FGD2: variants seen among roughly 807,000 people sequenced by gnomAD.
FGD2 encodes the protein FYVE, RhoGEF and PH domain-containing protein 2.
Under a neutral mutation model 75.9 loss-of-function variants are expected in FGD2, and 52 were observed. That is an observed-to-expected ratio of 0.69 (90% confidence interval 0.55 to 0.86). The LOEUF (loss-of-function observed/expected upper bound fraction) is 0.86. FGD2 is among the 40% of genes least tolerant of loss of function. FGD2 has a pLI of 0.00. For synonymous variants in FGD2, 347 were observed against 348.6 expected (o/e 1.00, Z 0.05); for missense variants, 790 against 872.0 (o/e 0.91, Z 1.18).
rs755071666 is a variant in FGD2, at chr6:37,011,872, C to A, written c.527+18C>A. The A allele has an allele frequency of 1.2e-6, 2 of 1,611,758 alleles. No individual in the cohort carries two copies. The highest frequency in any genetic ancestry group is 1.7e-6 in the Non-Finnish European group (2 of 1,179,014). On this transcript the variant is annotated intron_variant, in intron 4 of 15. Coordinates refer to ENST00000274963, the MANE Select transcript of FGD2 (RefSeq NM_173558.4). ...GACGACTGGTGAGGTCCACCAGGAGCCCCTGAGGCCTCAGACCACAGCCCT... is the reference window on the plus strand; with the variant it reads ...GACGACTGGTGAGGTCCACCAGGAGACCCTGAGGCCTCAGACCACAGCCCT...
intron 13 of FGD2, chr6:37,023,139 G>A (rs13217855): frequency 0.044 from 6,879 of 155,050 alleles, 201 homozygotes; most frequent in Non-Finnish European, 0.067. Flanking sequence ...CACCCACCCC[G>A]TCATCCTCTC....
Position 37,028,496 on chromosome 6 carries a change from C to A in FGD2, c.*333C>A. ...TTTTTCATTTGTATCTCCTGGGGAG[C>A]TTTTAAAGAGTACTGGTGAAAAACA... On this transcript the variant is annotated 3_prime_UTR_variant, in exon 16 of 16. Coordinates refer to ENST00000274963, the MANE Select transcript of FGD2 (RefSeq NM_173558.4). 1 of 304,200 alleles carries A rather than the reference C, an allele frequency of 3.3e-6. No homozygotes were observed. The highest frequency in any genetic ancestry group is 2.1e-5 in the African/African-American group (1 of 46,828). 18.8% of individuals were successfully genotyped at this position (304,200 alleles called of 1,614,324 possible). A position where few individuals can be genotyped will look rare whatever the true frequency, so the allele number is the denominator to read the frequency against.
chr6:37,013,534 C>T (rs1724598144), intron 4 of FGD2, 75 bp from the exon 5 acceptor site: 4 of 1,541,028 alleles, frequency 2.6e-6, no homozygotes, highest in Admixed American at 2.0e-5. Flanking sequence ...TTCAGGGAGC[C>T]TGGCCTCACC....
At chr6:37,026,104 C>T (rs931958736) in intron 14 of FGD2, 166 bp downstream of exon 14, 4 of 985,430 alleles carry the variant, frequency 4.1e-6, no homozygotes, top group Non-Finnish European at 3.6e-6. Flanking sequence ...CCAGGCCTCT[C>T]GCCACAGCCC....
At chr6:37,024,321 C>A (rs1662069992) in intron 13 of FGD2, 1 of 152,022 alleles carries the variant, frequency 6.6e-6, no homozygotes, top group Non-Finnish European at 1.5e-5. Flanking sequence ...GCCCAGGCAA[C>A]AAAAGCAAAA....
At chr6:37,011,470 T>C in intron 3 of FGD2, 1 of 592,358 alleles carries the variant, frequency 1.7e-6, no homozygotes, top group Non-Finnish European at 3.0e-6. Flanking sequence ...GTTTATGGCA[T>C]TCATCAGCTG....
At position 37,028,470 on chromosome 6, in the gene FGD2, G is replaced by A. The variant is rs182545919; in HGVS notation, c.*307G>A. On this transcript the variant is annotated 3_prime_UTR_variant, in exon 16 of 16. Transcript: ENST00000274963. Reference sequence around the variant, plus strand: ...CCGGACTGGTGGTCACCATAGTATGGTTTTTCATTTGTATCTCCTGGGGAG... The same window carrying A: ...CCGGACTGGTGGTCACCATAGTATGATTTTTCATTTGTATCTCCTGGGGAG... 2.3e-4 allele frequency: 84 copies of A among 360,582 alleles called. No individual in the cohort carries two copies. The highest frequency in any genetic ancestry group is 2.1e-3 in the Middle Eastern group (3 of 1,412). The allele number at this position is 360,582 out of a possible 1,614,324, so 22.3% of individuals were successfully genotyped here.
intron 4 of FGD2, chr6:37,013,368 A>C: frequency 8.6e-7 from 1 of 1,165,800 alleles, no homozygotes; most frequent in South Asian, 2.1e-5. Flanking sequence ...TGGGCCCAAC[A>C]CTGTGCCGGG....
In FGD2 at chr6:37,022,270, C is replaced by T. The variant is rs781775800; in HGVS notation, c.1358C>T (p.Pro453Leu). The T allele has an allele frequency of 7.5e-6, 12 of 1,592,232 alleles. No individual in the cohort carries two copies. The highest frequency in any genetic ancestry group is 5.5e-5 in the African/African-American group (4 of 73,268). The change falls in exon 13 of 16, where the codon CCG becomes CTG. Residue 453 changes from proline (P) to leucine (L), a missense_variant. Pro to Leu is a moderately conservative substitution (Grantham distance 98, BLOSUM62 -3). Transcript: ENST00000274963. ...LQSEELGLRAPQWVRDKMVTM... is the reference protein window; with the variant it reads ...LQSEELGLRALQWVRDKMVTM... The stretch of plus-strand genomic sequence containing the variant: ...TCTGAGGAGCTGGGCCTCCGGGCAC[C>T]GCAGTGGGTCCGGGACAAGATGGTG...
chr6:37,011,654 G>A (rs1351401283), intron 3 of FGD2, 52 bp from the exon 4 acceptor site: 17 of 1,611,564 alleles, frequency 1.1e-5, no homozygotes, highest in South Asian at 2.2e-5. Context: ...CCGGGCTGAT[G>A]TGTGGGTGGC....
Position 37,005,775 on chromosome 6 carries a change from T to A in FGD2, c.-43T>A. ...AGTGTGCTGGCTGGAGGCCTCTCTC[T>A]CTGCTTCGAGGGTAGCTGAGATCCA... On this transcript the variant is annotated 5_prime_UTR_variant, in exon 1 of 16. Coordinates refer to ENST00000274963, the MANE Select transcript of FGD2 (RefSeq NM_173558.4). The A allele has an allele frequency of 6.2e-7, 1 of 1,608,954 alleles. No homozygotes were observed. The highest frequency in any genetic ancestry group is 8.5e-7 in the Non-Finnish European group (1 of 1,177,450).
chr6:37,025,834 TACG>T lies in FGD2; in HGVS notation c.1507_1509del (p.Asp503del), dbSNP rs1413699802. On this transcript the variant is annotated inframe_deletion, in exon 14 of 16. Coordinates refer to ENST00000274963, the MANE Select transcript of FGD2 (RefSeq NM_173558.4). ...CTCCGACTACCGGGCCGAACTGAAATACGACGACAACAGGCCCAACCGAGTCTG... is the reference window on the plus strand; with the variant it reads ...CTCCGACTACCGGGCCGAACTGAAATACGACAACAGGCCCAACCGAGTCTG... 6.8e-6 allele frequency: 11 copies of T among 1,614,112 alleles called. No individual in the cohort carries two copies. The highest frequency in any genetic ancestry group is 9.3e-6 in the Non-Finnish European group (11 of 1,180,014).
chr6:37,022,223 T>C lies in FGD2; in HGVS notation c.1327-16T>C. ...CACCAAGGGCCCATTCCTGCCCAAC[T>C]CCCCTTAACCCACAGCTGCAGTCTG... On this transcript the variant is annotated splice_polypyrimidine_tract_variant and intron_variant, in intron 12 of 15. Transcript: ENST00000274963. 1.9e-6 allele frequency: 3 copies of C among 1,597,234 alleles called. No individual in the cohort carries two copies. Among genetic ancestry groups the C allele is most frequent in the Non-Finnish European group, 2.6e-6 (3 of 1,171,100 alleles).
chr6:37,023,113 A>T (rs1765671622), intron 13 of FGD2: 1 of 155,074 alleles, frequency 6.4e-6, no homozygotes, highest in South Asian at 2.0e-4. Flanking sequence ...CACCAGGCCC[A>T]TGCCCACTAT....
rs36118047 is a variant in FGD2 at position 37,022,337 on chromosome 6, G to A, written c.1425G>A (p.Thr475=). 568 of 1,589,558 alleles carry A rather than the reference G, an allele frequency of 3.6e-4. 3 individuals are homozygous for A. In the African/African-American group the frequency reaches 7.0e-3, roughly 19 times the overall value. Residue 475 remains threonine (T), a synonymous_variant, in exon 13 of 16, where the codon ACG becomes ACA. Coordinates refer to ENST00000274963, the MANE Select transcript of FGD2 (RefSeq NM_173558.4). ...MRCQEPFNAL[T]RRRHHCRACG... The stretch of plus-strand genomic sequence containing the variant: ...GCCAGGAGCCCTTCAACGCTCTGAC[G>A]CGCCGTCGCCACCACTGCCGGGCCT...
intron 11 of FGD2, among the ~76,000 whole-genome samples, chr6:37,021,152 G>A (rs761826653): frequency 3.7e-4 from 57 of 152,088 alleles, no homozygotes; most frequent in Non-Finnish European, 5.3e-4. Context: ...TTGTGTGTGC[G>A]TGCGTGTGTG....
rs951478484 is a variant in FGD2, at chr6:37,011,868, G to A, written c.527+14G>A. On this transcript the variant is annotated intron_variant, in intron 4 of 15. Transcript: ENST00000274963. ...CCTGGACGACTGGTGAGGTCCACCA[G>A]GAGCCCCTGAGGCCTCAGACCACAG... 8 of 1,612,548 alleles carry A rather than the reference G, an allele frequency of 5.0e-6. No individual in the cohort carries two copies. Among genetic ancestry groups the A allele is most frequent in the South Asian group, 3.3e-5 (3 of 90,942 alleles).
chr6:37,013,372 TGCCGG>T, intron 4 of FGD2: 1 of 1,202,542 alleles, frequency 8.3e-7, no homozygotes, highest in Non-Finnish European at 1.1e-6. Flanking sequence ...CCCAACACTG[TGCCGG>T]GCCTTGTGGA....
At chr6:37,020,791 T>G in intron 11 of FGD2, 52 bp downstream of exon 11, 2 of 1,548,744 alleles carry the variant, frequency 1.3e-6, no homozygotes, top group South Asian at 2.4e-5. Flanking sequence ...CTTTCTTTTT[T>G]CTTTTTTTCT....
Sources: gnomAD v4.1 joint callset for allele counts (sites outside exome capture counted in the v4.1 genomes callset) on GRCh38, gnomAD v4.1.1 for gene constraint, MANE v1.5 for transcripts, NCBI Gene and HGNC (gene_info 2026-07-23, HGNC 2026-07-21) for gene names.